The following FAM193A variants were observed in gnomAD, a reference collection of about 807,000 sequenced individuals.
FAM193A encodes family with sequence similarity 193 member A.
In FAM193A, 22 loss-of-function variants were observed where a neutral mutation model predicts 126.5. The ratio of observed to expected loss-of-function variants is 0.17; its 90% CI spans 0.12 to 0.25. The LOEUF is 0.25. FAM193A is among the 10% of genes least tolerant of loss of function. FAM193A has a pLI of 1.00. For missense variants in FAM193A, 1,675 were observed against 1,672.8 expected (o/e 1.00, Z -0.02); for synonymous variants, 761 against 646.8 (o/e 1.18, Z -2.68).
intron 1 of FAM193A, among the ~76,000 whole-genome samples, chr4:2,570,866 C>G (rs2108858313): frequency 6.6e-6 from 1 of 152,268 alleles, no homozygotes; most frequent in Admixed American, 6.5e-5. Flanking sequence ...CTCAGGTGGT[C>G]ATGTATCCTG....
chr4:2,590,463 CAAAAAAA>C (rs774897240), intron 1 of FAM193A, among the ~76,000 whole-genome samples: 4 of 13,574 alleles, frequency 2.9e-4, no homozygotes, highest in African/African-American at 1.7e-3. Flanking sequence ...GACTCCATCT[CAAAAAAA>C]AAAAACAAAA....
chr4:2,600,548 T>G (rs1741136626), intron 2 of FAM193A, among the ~76,000 whole-genome samples: 1 of 152,208 alleles, frequency 6.6e-6, no homozygotes, highest in Non-Finnish European at 1.5e-5. Flanking sequence ...TCCTTGCTTC[T>G]TAGACTACGT....
At chr4:2,535,918 G>A (rs1461897998), upstream of FAM193A, among the ~76,000 whole-genome samples, 1 of 152,160 alleles carries the variant, frequency 6.6e-6, no homozygotes, top group Non-Finnish European at 1.5e-5. Context: ...CGCCGGCTCC[G>A]CCGCTGCCTC....
chr4:2,693,893 G>A lies in FAM193A; in HGVS notation c.3092+19G>A. On this transcript the variant is annotated intron_variant, in intron 16 of 20. Coordinates refer to ENST00000637812, the MANE Select transcript of FAM193A (RefSeq NM_001366318.2). ...TCTGCAGGTGAGCCAAGTCCTGACT[G>A]GGGACGTGGGAGCACTTTGGAAAAT... 1 of 1,604,500 alleles carries A rather than the reference G, an allele frequency of 6.2e-7. No individual in the cohort carries two copies. Among genetic ancestry groups the A allele is most frequent in the South Asian group, 1.1e-5 (1 of 89,842 alleles).
At chr4:2,633,578 A>G (rs1406827760) in intron 5 of FAM193A, among the ~76,000 whole-genome samples, 1 of 151,926 alleles carries the variant, frequency 6.6e-6, no homozygotes, top group African/African-American at 2.4e-5. Flanking sequence ...CTCCAAGGGA[A>G]ACAACTGAAT....
rs75248207 is a variant in FAM193A at position 2,692,474 on chromosome 4, G to A, written c.2804-1112G>A. Among the ~76,000 whole-genome samples the A allele has an allele frequency of 4.3e-3, 655 of 152,284 alleles. 1 individual carries two copies. The highest frequency in any genetic ancestry group is 0.015 in the African/African-American group (629 of 41,548). ...TACCGACAGATTACAAAGGAATGGT[G>A]GGTGCCAGACTCTGGAGGAACCTAG... On this transcript the variant is annotated intron_variant, in intron 15 of 20. Coordinates refer to ENST00000637812, the MANE Select transcript of FAM193A (RefSeq NM_001366318.2).
At chr4:2,540,284 A>G (rs960862506) in intron 1 of FAM193A, among the ~76,000 whole-genome samples, 2 of 152,058 alleles carry the variant, frequency 1.3e-5, no homozygotes, top group Admixed American at 6.6e-5. Context: ...CCTGGCTAAC[A>G]CAGTGAAACC....
At chr4:2,543,833 G>A (rs915643005) in intron 1 of FAM193A, among the ~76,000 whole-genome samples, 15 of 114,380 alleles carry the variant, frequency 1.3e-4, no homozygotes, top group African/African-American at 4.7e-4. Flanking sequence ...TCACACCATT[G>A]CACTTCAGCC....
chr4:2,538,496 T>A (rs953887409), intron 1 of FAM193A, among the ~76,000 whole-genome samples: 2 of 151,700 alleles, frequency 1.3e-5, no homozygotes, highest in Admixed American at 6.6e-5. Flanking sequence ...CCCGGCCGTT[T>A]TTATTATTAT....
chr4:2,643,415 T>C (rs1023596580), intron 6 of FAM193A, among the ~76,000 whole-genome samples: 1 of 152,200 alleles, frequency 6.6e-6, no homozygotes, highest in Non-Finnish European at 1.5e-5. Flanking sequence ...AAAATTATGG[T>C]AAAGTATATA....
At chr4:2,708,382 C>G in intron 19 of FAM193A, 1 of 164,940 alleles carries the variant, frequency 6.1e-6, no homozygotes, top group South Asian at 1.2e-4. Flanking sequence ...ATCTCGGCCT[C>G]CCAAAATGCT....
At chr4:2,551,501 T>C (rs1737918986) in intron 1 of FAM193A, among the ~76,000 whole-genome samples, 1 of 152,234 alleles carries the variant, frequency 6.6e-6, no homozygotes. Context: ...TCTTTCTCTA[T>C]GTTAGTATCT....
At position 2,599,373 on chromosome 4, in the gene FAM193A, C is replaced by CAGAG. The variant is rs1741060538; in HGVS notation, c.501+3046_501+3049dup. Among the ~76,000 whole-genome samples, 9 of 152,204 alleles carry CAGAG rather than the reference C, an allele frequency of 5.9e-5. No individual in the cohort carries two copies. In the South Asian group the frequency reaches 1.9e-3, roughly 32 times the overall value. ...TGGTCACTTCGGCTCTCTGATGGCC[C>CAGAG]AGAGATAGGATTTTATCAATTGTCC... On this transcript the variant is annotated intron_variant, in intron 2 of 20. Coordinates refer to ENST00000637812, the MANE Select transcript of FAM193A (RefSeq NM_001366318.2).
chr4:2,593,643 G>C (rs1740691777), intron 1 of FAM193A, among the ~76,000 whole-genome samples: 1 of 152,180 alleles, frequency 6.6e-6, no homozygotes, highest in Non-Finnish European at 1.5e-5. Context: ...GATGACTGGT[G>C]AATGTACAGG....
chr4:2,572,493 A>AC (rs1739351414), intron 1 of FAM193A, among the ~76,000 whole-genome samples: 1 of 152,046 alleles, frequency 6.6e-6, no homozygotes, highest in African/African-American at 2.4e-5. Flanking sequence ...CTTCCTAGGG[A>AC]CACTGTATGT....
At chr4:2,587,356 TTCATGAGGGACCTGCCC>T (rs1740290999) in intron 1 of FAM193A, among the ~76,000 whole-genome samples, 2 of 152,154 alleles carry the variant, frequency 1.3e-5, no homozygotes, top group Admixed American at 1.3e-4. Flanking sequence ...CACCAAGCCA[TTCATGAGGGACCTGCCC>T]TCATGACCCA....
chr4:2,624,672 C>A (rs1313187494), intron 2 of FAM193A, among the ~76,000 whole-genome samples: 1 of 152,024 alleles, frequency 6.6e-6, no homozygotes, highest in Admixed American at 6.6e-5. Context: ...TAAAACTGTT[C>A]CTTTTTAAAT....
intron 1 of FAM193A, among the ~76,000 whole-genome samples, chr4:2,594,826 T>TTTTTC (rs1740768270): frequency 8.0e-6 from 1 of 125,518 alleles, no homozygotes; most frequent in Non-Finnish European, 1.7e-5. Context: ...TTTCCTTTTT[T>TTTTTC]TTTTTTTTTT....
intron 2 of FAM193A, among the ~76,000 whole-genome samples, chr4:2,620,224 A>G (rs1004161746): frequency 1.3e-5 from 2 of 152,186 alleles, no homozygotes; most frequent in African/African-American, 4.8e-5. Flanking sequence ...GTCATCATGT[A>G]CCCTATTTTA....
Sources: allele counts gnomAD v4.1 joint callset (sites outside exome capture counted in the v4.1 genomes callset), GRCh38; gene constraint gnomAD v4.1.1; transcripts MANE v1.5; gene names NCBI Gene and HGNC (gene_info 2026-07-23, HGNC 2026-07-21).